GRAMD1C: variants seen among roughly 807,000 people sequenced by gnomAD.
The protein encoded by GRAMD1C is GRAM domain containing 1C.
A neutral mutation model predicts 97.8 loss-of-function variants in GRAMD1C; 89 were observed. That is an observed-to-expected ratio of 0.91 (90% CI 0.77 to 1.09). The LOEUF (loss-of-function observed/expected upper bound fraction) is 1.09, where lower values mean the gene tolerates loss of function less well. Ranked by LOEUF, GRAMD1C falls within the 50% of genes least tolerant of loss-of-function variation. GRAMD1C has a pLI of 0.00. For synonymous variants in GRAMD1C, 256 were observed against 267.0 expected, an observed-to-expected ratio of 0.96 and a Z score of 0.40; for missense variants, 740 against 766.4, an observed-to-expected ratio of 0.97 and a Z score of 0.41.
At position 113,848,290 on chromosome 3, in the gene GRAMD1C, G is replaced by A. The variant is rs138743462; in HGVS notation, c.174+3641G>A. ...CCTATAAAATTAGAGATTGGGTCAT[G>A]GTATTACAACACTGGTCTGTCTTGA... On this transcript the variant is annotated intron_variant, in intron 2 of 17. Transcript: ENST00000358160. 7.8e-3 allele frequency among the ~76,000 whole-genome samples: 1,190 copies of A among 152,236 alleles called. 18 individuals carry two copies. Among genetic ancestry groups the A allele is most frequent in the Admixed American group, 0.039 (595 of 15,296 alleles).
chr3:113,897,573 A>G, intron 6 of GRAMD1C: 1 of 981,318 alleles, frequency 1.0e-6, no homozygotes, highest in Admixed American at 6.2e-5. Flanking sequence ...TTTAAACTAC[A>G]TTAGAAAAGC....
intron 1 of GRAMD1C, among the ~76,000 whole-genome samples, chr3:113,832,969 C>G (rs1709578446): frequency 6.6e-6 from 1 of 152,004 alleles, no homozygotes; most frequent in South Asian, 2.1e-4. Context: ...ATGGATGTGG[C>G]CTTCTGGATT....
At chr3:113,832,039 G>GTGTTTTTTTTTTTTTTTTTTTTTTT (rs1553713219) in intron 1 of GRAMD1C, among the ~76,000 whole-genome samples, 1 of 149,418 alleles carries the variant, frequency 6.7e-6, no homozygotes, top group African/African-American at 2.5e-5. Context: ...CAGCAACTTT[G>GTGTTTTTTTTTTTTTTTTTTTTTTT]TTTTTTTTGA....
intron 1 of GRAMD1C, among the ~76,000 whole-genome samples, chr3:113,830,266 G>A (rs111413172): frequency 0.015 from 2,232 of 152,144 alleles, 52 homozygotes; most frequent in African/African-American, 0.049. Context: ...TACTGTACAC[G>A]TGGTGACAAA....
chr3:113,906,708 G>T (rs1223674013), intron 8 of GRAMD1C, among the ~76,000 whole-genome samples: 1 of 152,074 alleles, frequency 6.6e-6, no homozygotes, highest in Non-Finnish European at 1.5e-5. Context: ...AAAGTCTGCA[G>T]TAGTGTTCAG....
chr3:113,863,660 G>A (rs890205569), intron 2 of GRAMD1C, among the ~76,000 whole-genome samples: 3 of 151,764 alleles, frequency 2.0e-5, no homozygotes, highest in African/African-American at 7.2e-5. Flanking sequence ...TAAGTGCCAT[G>A]TTGGTATGGA....
chr3:113,884,255 A>T (rs565828593), intron 6 of GRAMD1C, among the ~76,000 whole-genome samples: 2 of 152,332 alleles, frequency 1.3e-5, no homozygotes, highest in East Asian at 3.9e-4. Context: ...ATAATACTAA[A>T]TACGTTCTCT....
chr3:113,884,733 G>T (rs1935386448), intron 6 of GRAMD1C, among the ~76,000 whole-genome samples: 1 of 151,954 alleles, frequency 6.6e-6, no homozygotes, highest in African/African-American at 2.4e-5. Flanking sequence ...CAGCTACTCG[G>T]GAGGCTGAGG....
At chr3:113,913,125 T>C (rs1206971438) in intron 9 of GRAMD1C, 1 of 1,283,374 alleles carries the variant, frequency 7.8e-7, no homozygotes, top group Non-Finnish European at 1.0e-6. Context: ...TTTAGGACTT[T>C]AGGAAGATCT....
At position 113,886,537 on chromosome 3, in the gene GRAMD1C, T is replaced by G. The variant is rs927846193; in HGVS notation, c.540+3705T>G. 1.1e-4 allele frequency among the ~76,000 whole-genome samples: 17 copies of G among 152,116 alleles called. 1 individual carries two copies. Among genetic ancestry groups the G allele is most frequent in the African/African-American group, 4.1e-4 (17 of 41,424 alleles). On this transcript the variant is annotated intron_variant, in intron 6 of 17. Coordinates refer to ENST00000358160, the MANE Select transcript of GRAMD1C (RefSeq NM_017577.5). ...TTTTCCCCTCTTTACTTTCCTTCTA[T>G]TTTTCTCTCCTTAGACTCCCTCAGA...
intron 6 of GRAMD1C, among the ~76,000 whole-genome samples, chr3:113,884,595 G>T (rs1256578873): frequency 6.6e-6 from 1 of 152,168 alleles, no homozygotes. Flanking sequence ...CACTTTGGGA[G>T]GCCCAGGCGG....
chr3:113,866,374 C>G (rs1934586176), intron 2 of GRAMD1C, among the ~76,000 whole-genome samples: 1 of 152,150 alleles, frequency 6.6e-6, no homozygotes, highest in Non-Finnish European at 1.5e-5. Context: ...CTTGTGATTA[C>G]TGTTTGCATG....
intron 10 of GRAMD1C, among the ~76,000 whole-genome samples, chr3:113,916,931 T>C (rs1936834623): frequency 6.6e-6 from 1 of 152,094 alleles, no homozygotes; most frequent in East Asian, 1.9e-4. Flanking sequence ...GGTGAATTGC[T>C]CGAGCCCAGG....
At chr3:113,867,586 A>C (rs1275281375) in intron 2 of GRAMD1C, among the ~76,000 whole-genome samples, 2 of 152,204 alleles carry the variant, frequency 1.3e-5, no homozygotes, top group Non-Finnish European at 2.9e-5. Flanking sequence ...ATGTGCCACT[A>C]CGCCAGGCTC....
chr3:113,905,496 A>AAATCTTAC, intron 8 of GRAMD1C, among the ~76,000 whole-genome samples: 1 of 152,324 alleles, frequency 6.6e-6, no homozygotes. Context: ...CTTTGGCTTC[A>AAATCTTAC]AATCTTACAT....
At chr3:113,835,996 G>C (rs1709625018), upstream of GRAMD1C, among the ~76,000 whole-genome samples, 1 of 152,190 alleles carries the variant, frequency 6.6e-6, no homozygotes, top group Non-Finnish European at 1.5e-5. Flanking sequence ...AGGTGCAGTG[G>C]CTCACGCCTG....
At chr3:113,940,569 T>G (rs1937725163) in intron 17 of GRAMD1C, among the ~76,000 whole-genome samples, 1 of 152,160 alleles carries the variant, frequency 6.6e-6, no homozygotes, top group Admixed American at 6.6e-5. Context: ...ATATACACTG[T>G]TGTATATCTT....
intron 14 of GRAMD1C, among the ~76,000 whole-genome samples, chr3:113,937,181 A>G (rs1228329312): frequency 6.6e-6 from 1 of 152,210 alleles, no homozygotes; most frequent in African/African-American, 2.4e-5. Context: ...CTCAATTTTG[A>G]ACACATCTTA....
chr3:113,837,346 A>T (rs1054339251), upstream of GRAMD1C, among the ~76,000 whole-genome samples: 2 of 152,194 alleles, frequency 1.3e-5, no homozygotes, highest in Admixed American at 1.3e-4. Context: ...CAGTTAATTT[A>T]GAAAATTTAT....
Sources: allele counts gnomAD v4.1 joint callset (sites outside exome capture counted in the v4.1 genomes callset), GRCh38; gene constraint gnomAD v4.1.1; transcripts MANE v1.5; gene names NCBI Gene and HGNC (gene_info 2026-07-23, HGNC 2026-07-21).